Variants in CCR9 observed in about 807,000 individuals in gnomAD.
The protein encoded by CCR9 is C-C chemokine receptor type 9.
A neutral mutation model predicts 8.7 loss-of-function variants in CCR9; 4 were observed. The observed-to-expected ratio is 0.46, with a 90% CI of 0.23 to 1.06. CCR9 has a LOEUF of 1.06. Ranked by LOEUF, CCR9 falls within the 50% of genes least tolerant of loss-of-function variation. The pLI, the probability that CCR9 is intolerant of heterozygous loss-of-function variation, is 0.21. For synonymous variants in CCR9, 159 were observed against 168.8 expected (o/e 0.94, Z 0.45); for missense variants, 394 against 453.6 (o/e 0.87, Z 1.19).
intron 2 of CCR9, among the ~76,000 whole-genome samples, chr3:45,896,588 T>G (rs925816008): frequency 2.6e-5 from 4 of 152,138 alleles, no homozygotes; most frequent in African/African-American, 9.7e-5. Flanking sequence ...TCATAGAAAT[T>G]TGGAGGAATA....
chr3:45,897,966 CT>C (rs1353361464), intron 2 of CCR9, among the ~76,000 whole-genome samples: 1 of 104,506 alleles, frequency 9.6e-6, no homozygotes, highest in Non-Finnish European at 1.9e-5. Context: ...TCTATTAAAG[CT>C]ATTTGACCAA....
intron 2 of CCR9, chr3:45,897,706 C>T (rs1301410260): frequency 3.6e-6 from 4 of 1,099,224 alleles, no homozygotes; most frequent in African/African-American, 1.6e-5. Context: ...GAACCAAAGT[C>T]GTCCCTTGTG....
At chr3:45,898,336 G>A (rs1702435296) in intron 2 of CCR9, among the ~76,000 whole-genome samples, 1 of 152,196 alleles carries the variant, frequency 6.6e-6, no homozygotes, top group African/African-American at 2.4e-5. Context: ...TTTCTAAAAT[G>A]TGTGTCACCT....
At chr3:45,888,670 T>C (rs939901883) in intron 1 of CCR9, among the ~76,000 whole-genome samples, 23 of 152,196 alleles carry the variant, frequency 1.5e-4, no homozygotes, top group African/African-American at 4.6e-4. Context: ...ACTCTCAGTA[T>C]GTTTGGTCAT....
intron 2 of CCR9, among the ~76,000 whole-genome samples, chr3:45,897,367 A>C (rs776067013): frequency 6.6e-6 from 1 of 152,210 alleles, no homozygotes; most frequent in African/African-American, 2.4e-5. Flanking sequence ...AAGTAACTTC[A>C]TGCAAAAGCA....
Position 45,901,677 on chromosome 3 carries a change from A to G in CCR9, c.889A>G (p.Ile297Val), listed in dbSNP as rs1429953711. ...CTGTGCCGTTTCCACCAACATTGAC[A>G]TCTGCTTCCAGGTCACCCAGACCAT... is the stretch of plus-strand genomic sequence containing the variant. ...SNCAVSTNID[I>V]CFQVTQTIAF... Residue 297 changes from isoleucine to valine, a missense_variant, in exon 3 of 3, where the codon ATC becomes GTC. By Grantham distance (29) the Ile-to-Val change is conservative (BLOSUM62 3). Transcript: ENST00000357632. The surrounding 1 kb of genome is among the most constrained non-coding windows in gnomAD (Gnocchi z 4.3). The G allele has an allele frequency of 6.2e-7, 1 of 1,613,814 alleles. No individual in the cohort carries two copies. Among genetic ancestry groups the G allele is most frequent in the African/African-American group, 1.3e-5 (1 of 74,924 alleles).
At chr3:45,896,504 T>A (rs903518780) in intron 2 of CCR9, among the ~76,000 whole-genome samples, 1 of 152,180 alleles carries the variant, frequency 6.6e-6, no homozygotes, top group Non-Finnish European at 1.5e-5. Flanking sequence ...TCCCTCAGCG[T>A]CACAGTAAAG....
At chr3:45,897,382 G>A (rs1447562241) in intron 2 of CCR9, among the ~76,000 whole-genome samples, 2 of 152,148 alleles carry the variant, frequency 1.3e-5, no homozygotes, top group Non-Finnish European at 2.9e-5. Context: ...AAAGCACGAG[G>A]TCCTTAATTC....
intron 2 of CCR9, 82 bp downstream of exon 2, chr3:45,895,036 G>T: frequency 1.5e-6 from 2 of 1,373,292 alleles, no homozygotes; most frequent in Non-Finnish European, 2.1e-6. Context: ...GATCCACTGT[G>T]GGGGAAGGAT....
rs903792585 is a variant in CCR9 at position 45,900,773 on chromosome 3, T to G, written c.22-37T>G. ...CCATCAGACAGGACCTTCAAAATAT[T>G]TTCCTTGACCTAATGCCATCTTGTG... is the stretch of plus-strand genomic sequence containing the variant. On this transcript the variant is annotated intron_variant, in intron 2 of 2. Coordinates refer to ENST00000357632, the MANE Select transcript of CCR9 (RefSeq NM_031200.3). This position sits in a 1 kb window ranked among gnomAD's most constrained non-coding sequence, Gnocchi z 4.7. 1.3e-6 allele frequency: 2 copies of G among 1,571,472 alleles called. No individual in the cohort carries two copies. The highest frequency in any genetic ancestry group is 1.8e-5 in the Admixed American group (1 of 57,114).
rs1285876554 is a variant in CCR9, at chr3:45,889,017, G to T, written c.-29+2362G>T. ...TTATTTATTTTAGAGACAGGGTCTT[G>T]CTCTGTCACTCAGGCTGCAGTGCAG... On this transcript the variant is annotated intron_variant, in intron 1 of 2. Coordinates refer to ENST00000357632, the MANE Select transcript of CCR9 (RefSeq NM_031200.3). Among the ~76,000 whole-genome samples the T allele has an allele frequency of 4.6e-5, 7 of 152,306 alleles. No homozygotes were observed. The South Asian group carries it at 8.3e-4, about 18-fold the overall frequency.
At chr3:45,896,370 A>T (rs1259906441) in intron 2 of CCR9, among the ~76,000 whole-genome samples, 1 of 152,238 alleles carries the variant, frequency 6.6e-6, no homozygotes, top group African/African-American at 2.4e-5. Flanking sequence ...GGCGCCATCT[A>T]AATGGGAAGA....
rs747736642 is a variant in CCR9 at position 45,903,090 on chromosome 3, G to T, written c.*1192G>T. The T allele has an allele frequency of 1.2e-5, 2 of 167,056 alleles. No homozygotes were observed. Among genetic ancestry groups the T allele is most frequent in the Non-Finnish European group, 2.9e-5 (2 of 68,114 alleles). The allele number at this position is 167,056 out of a possible 1,614,324, so 10.3% of individuals were successfully genotyped here. A position where few individuals can be genotyped will look rare whatever the true frequency, so the allele number is the denominator to read the frequency against. ...ATATTGGAAAAGTGCTTTTTAATGTGTATATGAAGCATTAATTACTTGTCA... is the reference window on the plus strand; with the variant it reads ...ATATTGGAAAAGTGCTTTTTAATGTTTATATGAAGCATTAATTACTTGTCA... On this transcript the variant is annotated 3_prime_UTR_variant, in exon 3 of 3. Transcript: ENST00000357632.
Position 45,900,829 on chromosome 3 carries a change from C to T in CCR9, c.41C>T (p.Ala14Val). 2 of 1,612,348 alleles carry T rather than the reference C, an allele frequency of 1.2e-6. No individual in the cohort carries two copies. Among genetic ancestry groups the T allele is most frequent in the South Asian group, 2.2e-5 (2 of 90,884 alleles). Residue 14 changes from alanine to valine, a missense_variant, in exon 3 of 3, where the codon GCT (alanine) becomes GTT (valine). Transcript: ENST00000357632. This position sits in a 1 kb window ranked among gnomAD's most constrained non-coding sequence, Gnocchi z 4.7. ...TDFTSPIPNM[A>V]DDYGSESTSS... ...TTGCAGAGCCCTATTCCTAACATGGCTGATGACTATGGCTCTGAATCCACA... is the reference window on the plus strand; with the variant it reads ...TTGCAGAGCCCTATTCCTAACATGGTTGATGACTATGGCTCTGAATCCACA...
At chr3:45,894,745 G>A (rs3764864) in intron 1 of CCR9, among the ~76,000 whole-genome samples, 161 bp from the exon 2 acceptor site, 11,498 of 152,232 alleles carry the variant, frequency 0.076, 576 homozygotes, top group East Asian at 0.25. Context: ...CTACTCAGAT[G>A]ATTCTGAAAT....
intron 2 of CCR9, among the ~76,000 whole-genome samples, chr3:45,899,162 G>T (rs1380993151): frequency 1.3e-5 from 2 of 152,208 alleles, no homozygotes. Flanking sequence ...GCAAAACTCC[G>T]TCTCAAAACA....
Position 45,901,990 on chromosome 3 carries a change from A to G in CCR9, c.*92A>G. ...GATGGGACCAGAGAGAGTGAAAGAG[A>G]AAAGAAAACTCAGAAAGGGATGAAT... On this transcript the variant is annotated 3_prime_UTR_variant, in exon 3 of 3. Coordinates refer to ENST00000357632, the MANE Select transcript of CCR9 (RefSeq NM_031200.3). This position sits in a 1 kb window ranked among gnomAD's most constrained non-coding sequence, Gnocchi z 4.3. 2 of 1,086,558 alleles carry G rather than the reference A, an allele frequency of 1.8e-6. No homozygotes were observed. Among genetic ancestry groups the G allele is most frequent in the South Asian group, 3.3e-5 (2 of 60,168 alleles). 67.3% of individuals were successfully genotyped at this position (1,086,558 alleles called of 1,614,324 possible).
In CCR9 at chr3:45,902,442, C is replaced by T. The variant is rs1000298349; in HGVS notation, c.*544C>T. On this transcript the variant is annotated 3_prime_UTR_variant, in exon 3 of 3. Coordinates refer to ENST00000357632, the MANE Select transcript of CCR9 (RefSeq NM_031200.3). ...TTCCAGGCAATCTCAGACCTAATTTCCTTCTGTTCTCCTTGTTCTGTTCTG... is the reference window on the plus strand; with the variant it reads ...TTCCAGGCAATCTCAGACCTAATTTTCTTCTGTTCTCCTTGTTCTGTTCTG... The T allele has an allele frequency of 1.2e-5, 2 of 167,982 alleles. No individual in the cohort carries two copies. Among genetic ancestry groups the T allele is most frequent in the Non-Finnish European group, 2.9e-5 (2 of 68,836 alleles). 10.4% of individuals were successfully genotyped at this position (167,982 alleles called of 1,614,324 possible). A position where few individuals can be genotyped will look rare whatever the true frequency, so the allele number is the denominator to read the frequency against.
At chr3:45,899,801 C>T (rs763590662) in intron 2 of CCR9, among the ~76,000 whole-genome samples, 1 of 152,154 alleles carries the variant, frequency 6.6e-6, no homozygotes, top group African/African-American at 2.4e-5. Flanking sequence ...CCTCCCACCC[C>T]AGGTTTGACT....
Sources: gnomAD v4.1 joint callset for allele counts (sites outside exome capture counted in the v4.1 genomes callset) on GRCh38, gnomAD v4.1.1 for gene constraint, Gnocchi (gnomAD v3.1) non-coding constraint, MANE v1.5 for transcripts, NCBI Gene and HGNC (gene_info 2026-07-23, HGNC 2026-07-21) for gene names.